XRRA1: variants seen among roughly 807,000 people sequenced by gnomAD.
XRRA1 encodes X-ray radiation resistance associated 1, also known as X-ray radiation resistance-associated protein 1.
Under a neutral mutation model 80.2 loss-of-function variants are expected in XRRA1, and 69 were observed. The ratio of observed to expected loss-of-function variants is 0.86; its 90% confidence interval spans 0.71 to 1.05. The LOEUF (loss-of-function observed/expected upper bound fraction) is 1.05, where lower values mean the gene tolerates loss of function less well. XRRA1 is among the 50% of genes least tolerant of loss of function. The pLI is 0.00. For missense variants in XRRA1, 967 were observed against 976.4 expected, an observed-to-expected ratio of 0.99 and a Z score of 0.13; for synonymous variants, 348 against 389.9, an observed-to-expected ratio of 0.89 and a Z score of 1.27.
chr11:74,901,823 A>G (rs1032147849), intron 10 of XRRA1, among the ~76,000 whole-genome samples: 2 of 152,212 alleles, frequency 1.3e-5, no homozygotes, highest in Non-Finnish European at 2.9e-5. Flanking sequence ...CCTACAAGAA[A>G]ACATTGAGGA....
intron 10 of XRRA1, among the ~76,000 whole-genome samples, chr11:74,901,643 T>C (rs941670769): frequency 6.6e-6 from 1 of 152,126 alleles, no homozygotes; most frequent in Non-Finnish European, 1.5e-5. Flanking sequence ...TCCACACACC[T>C]ACAGTAAACC....
In XRRA1 at chr11:74,906,414, G is replaced by C. The variant is rs369421169; in HGVS notation, c.828C>G (p.Ile276Met). The C allele has an allele frequency of 6.8e-6, 11 of 1,614,006 alleles. No homozygotes were observed. The South Asian group carries it at 1.2e-4, about 18-fold the overall frequency. Residue 276 changes from isoleucine (I) to methionine (M), a missense_variant, in exon 10 of 19, where the codon ATC becomes ATG. Coordinates refer to ENST00000684022, the MANE Select transcript of XRRA1 (RefSeq NM_001378157.1). The stretch of plus-strand genomic sequence containing the variant: ...AGAGCTGAACTTGCTGTAGGTATGG[G>C]ATCCTGATAATCCTGTTTTCATCCA... Reference protein sequence around the residue: ...LSLDENRIIRIPYLQQVQLYD... With the variant: ...LSLDENRIIRMPYLQQVQLYD...
At chr11:74,894,203 T>C (rs936912550) in intron 10 of XRRA1, among the ~76,000 whole-genome samples, 4 of 152,104 alleles carry the variant, frequency 2.6e-5, no homozygotes, top group African/African-American at 9.7e-5. Flanking sequence ...AAGTGGGAGC[T>C]AAACATCAAG....
At chr11:74,917,895 G>A (rs1468578333) in intron 8 of XRRA1, among the ~76,000 whole-genome samples, 1 of 151,666 alleles carries the variant, frequency 6.6e-6, no homozygotes, top group Non-Finnish European at 1.5e-5. Context: ...CCAACAGTCA[G>A]ACAAAGAGGG....
At chr11:74,843,567 T>C (rs1363657110) in intron 18 of XRRA1, 114 bp from the exon 19 acceptor site, 4 of 1,419,876 alleles carry the variant, frequency 2.8e-6, no homozygotes, top group Admixed American at 2.3e-5. Flanking sequence ...GGCAGGAGGA[T>C]GCTAAGGGGC....
chr11:74,905,953 A>G (rs2054489573), intron 10 of XRRA1, among the ~76,000 whole-genome samples: 1 of 152,202 alleles, frequency 6.6e-6, no homozygotes, highest in Admixed American at 6.5e-5. Flanking sequence ...TTTAAGGATA[A>G]AATAATAATA....
At chr11:74,848,058 G>A (rs2038760999) in intron 15 of XRRA1, 57 bp downstream of exon 15, 2 of 1,493,994 alleles carry the variant, frequency 1.3e-6, no homozygotes, top group African/African-American at 1.4e-5. Flanking sequence ...CCTAAGGGCT[G>A]CACAGGAACC....
intron 10 of XRRA1, among the ~76,000 whole-genome samples, chr11:74,870,011 T>C (rs781460163): frequency 3.9e-5 from 6 of 152,142 alleles, no homozygotes; most frequent in Non-Finnish European, 5.9e-5. Context: ...GGATCCAAGG[T>C]AGATTCATCA....
At chr11:74,863,886 G>C (rs906802608) in intron 10 of XRRA1, 3 of 152,182 alleles carry the variant, frequency 2.0e-5, no homozygotes, top group African/African-American at 7.2e-5. Flanking sequence ...GGCCATGGTT[G>C]CAAGTGTGAG....
At chr11:74,916,522 A>G (rs1338234169) in intron 8 of XRRA1, among the ~76,000 whole-genome samples, 2 of 151,962 alleles carry the variant, frequency 1.3e-5, no homozygotes, top group Non-Finnish European at 2.9e-5. Flanking sequence ...TAGGTTGTCT[A>G]TCTCTTTGTT....
intron 10 of XRRA1, among the ~76,000 whole-genome samples, chr11:74,884,650 C>G (rs570072510): frequency 4.6e-5 from 7 of 152,172 alleles, no homozygotes; most frequent in African/African-American, 1.7e-4. Flanking sequence ...ATTAAACTTA[C>G]GCTCTCTTAA....
chr11:74,848,607 G>A (rs2038942351), intron 14 of XRRA1, 145 bp from the exon 15 acceptor site: 2 of 702,024 alleles, frequency 2.8e-6, no homozygotes. Context: ...CATACTTGTT[G>A]GGCATCTATG....
chr11:74,894,902 A>C (rs893595757), intron 10 of XRRA1, among the ~76,000 whole-genome samples: 1 of 152,276 alleles, frequency 6.6e-6, no homozygotes, highest in South Asian at 2.1e-4. Flanking sequence ...ATAGAAGTAG[A>C]AAACCAAATA....
intron 12 of XRRA1, among the ~76,000 whole-genome samples, chr11:74,857,555 T>G (rs944649793): frequency 6.6e-6 from 1 of 152,208 alleles, no homozygotes; most frequent in African/African-American, 2.4e-5. Flanking sequence ...CTCTCAGTGA[T>G]TGATAGAACA....
intron 7 of XRRA1, among the ~76,000 whole-genome samples, chr11:74,926,204 G>A (rs1942194925): frequency 6.6e-6 from 1 of 152,188 alleles, no homozygotes. Flanking sequence ...AGCAGAATAT[G>A]CTTTAAAAAT....
chr11:74,930,263 G>A, intron 6 of XRRA1, 37 bp downstream of exon 6: 8 of 1,486,614 alleles, frequency 5.4e-6, no homozygotes, highest in Non-Finnish European at 6.4e-6. Flanking sequence ...TGCTGGCTAA[G>A]AGGAGGAAGA....
intron 10 of XRRA1, among the ~76,000 whole-genome samples, chr11:74,892,044 GA>G (rs2137343755): frequency 6.6e-6 from 1 of 152,168 alleles, no homozygotes; most frequent in African/African-American, 2.4e-5. Context: ...CACAGAATTG[GA>G]AAAAACTACT....
At chr11:74,919,533 C>A in intron 8 of XRRA1, 1 of 354,110 alleles carries the variant, frequency 2.8e-6, no homozygotes, top group East Asian at 7.9e-5. Context: ...CTGTCTACAG[C>A]CTGACTGGCT....
At chr11:74,913,197 A>T (rs773409348) in intron 8 of XRRA1, among the ~76,000 whole-genome samples, 1 of 152,246 alleles carries the variant, frequency 6.6e-6, no homozygotes, top group Non-Finnish European at 1.5e-5. Context: ...GAAGTGTCCA[A>T]TTGAAACCCC....
Sources: gnomAD v4.1 joint callset for allele counts (sites outside exome capture counted in the v4.1 genomes callset) on GRCh38, gnomAD v4.1.1 for gene constraint, MANE v1.5 for transcripts, NCBI Gene and HGNC (gene_info 2026-07-23, HGNC 2026-07-21) for gene names.